MACROH2A2: variants seen among roughly 807,000 people sequenced by gnomAD.
The protein encoded by MACROH2A2 is macroH2A.2 histone, also known as core histone macro-H2A.2.
In MACROH2A2, 6 loss-of-function variants were observed where a neutral mutation model predicts 37.6. The ratio of observed to expected loss-of-function variants is 0.16; its 90% CI spans 0.09 to 0.32. The LOEUF (loss-of-function observed/expected upper bound fraction) is 0.32. Among genes scored for constraint, MACROH2A2 ranks in the 10% least tolerant of loss-of-function variants. The probability of loss-of-function intolerance (pLI) is 1.00; values close to 1 mark genes in which losing one functional copy is unlikely to be tolerated. For missense variants in MACROH2A2, 290 were observed against 485.9 expected (o/e 0.60, Z 3.79); for synonymous variants, 192 against 202.7 (o/e 0.95, Z 0.45).
At chr10:70,088,541 T>C (rs913909278) in intron 2 of MACROH2A2, among the ~76,000 whole-genome samples, 1 of 152,264 alleles carries the variant, frequency 6.6e-6, no homozygotes, top group African/African-American at 2.4e-5. Context: ...AAGGTTTTAA[T>C]AGCATGGGAA....
chr10:70,088,187 C>T (rs1261523365), intron 2 of MACROH2A2, among the ~76,000 whole-genome samples: 1 of 149,560 alleles, frequency 6.7e-6, no homozygotes, highest in Non-Finnish European at 1.5e-5. Context: ...ACACATATGC[C>T]CGCCTGCACA....
intron 2 of MACROH2A2, among the ~76,000 whole-genome samples, chr10:70,081,640 G>C (rs2072177109): frequency 6.6e-6 from 1 of 152,096 alleles, no homozygotes; most frequent in African/African-American, 2.4e-5. Flanking sequence ...GGTGACCTTG[G>C]CAAGGACGGC....
chr10:70,079,706 A>C (rs2072164337), intron 2 of MACROH2A2, among the ~76,000 whole-genome samples: 1 of 151,936 alleles, frequency 6.6e-6, no homozygotes, highest in East Asian at 1.9e-4. Context: ...ATTCCAGGAG[A>C]CCAGTGGAGT....
Position 70,075,597 on chromosome 10 carries a change from T to C in MACROH2A2, c.-59-3T>C, listed in dbSNP as rs1223023554. 9.3e-6 allele frequency: 14 copies of C among 1,505,976 alleles called. No homozygotes were observed. The highest frequency in any genetic ancestry group is 1.3e-5 in the Non-Finnish European group (14 of 1,086,888). 93.3% of individuals were successfully genotyped at this position (1,505,976 alleles called of 1,614,324 possible). ...CCTCAACTCTGTCTTCTTTCCTTTT[T>C]AGCATTGTGTTAGTGCCGGGAGGCC... On this transcript the variant is annotated splice_polypyrimidine_tract_variant and splice_region_variant and intron_variant, in intron 1 of 8. Coordinates refer to ENST00000373255, the MANE Select transcript of MACROH2A2 (RefSeq NM_018649.3). The surrounding 1 kb of genome is among the most constrained non-coding windows in gnomAD (Gnocchi z 5.0).
chr10:70,079,551 T>TCCCGCG (rs1554822084), intron 2 of MACROH2A2, among the ~76,000 whole-genome samples: 2 of 114,094 alleles, frequency 1.8e-5, no homozygotes. Context: ...CGTTGAGGGT[T>TCCCGCG]CGCGCGCGCG....
rs564494641 is a variant in MACROH2A2, at chr10:70,093,861, G to C, written c.588+16G>C. ...GGGACAGAAGGTAACAAAGAGAATTGCCTTGTGCTATATTAAAACACCACT... is the reference window on the plus strand; with the variant it reads ...GGGACAGAAGGTAACAAAGAGAATTCCCTTGTGCTATATTAAAACACCACT... On this transcript the variant is annotated intron_variant, in intron 5 of 8. Coordinates refer to ENST00000373255, the MANE Select transcript of MACROH2A2 (RefSeq NM_018649.3). The C allele has an allele frequency of 8.7e-5, 119 of 1,361,460 alleles. 1 individual carries two copies. In the South Asian group the frequency reaches 1.3e-3, roughly 15 times the overall value. The allele number at this position is 1,361,460 out of a possible 1,614,324, so 84.3% of individuals were successfully genotyped here. A position where few individuals can be genotyped will look rare whatever the true frequency, so the allele number is the denominator to read the frequency against.
intron 2 of MACROH2A2, among the ~76,000 whole-genome samples, chr10:70,081,068 CAAAAAA>C (rs34688764): frequency 4.4e-5 from 2 of 45,828 alleles, no homozygotes; most frequent in East Asian, 7.9e-4. Flanking sequence ...CCCTGTCTCT[CAAAAAA>C]AAAAAAAAAA....
At chr10:70,079,551 T>TCGCGCGCG (rs778240404) in intron 2 of MACROH2A2, among the ~76,000 whole-genome samples, 8 of 114,170 alleles carry the variant, frequency 7.0e-5, no homozygotes, top group African/African-American at 1.7e-4. Context: ...CGTTGAGGGT[T>TCGCGCGCG]CGCGCGCGCG....
chr10:70,082,553 C>A (rs541024160), intron 2 of MACROH2A2, among the ~76,000 whole-genome samples: 2 of 152,246 alleles, frequency 1.3e-5, no homozygotes, highest in East Asian at 1.9e-4. Context: ...GATCAACAGA[C>A]GAATGGATAA....
In MACROH2A2 at chr10:70,111,536, G is replaced by A; in HGVS notation, c.972G>A (p.Gln324=). The change falls in exon 9 of 9, where the codon CAG becomes CAA. Residue 324 remains glutamine (Q), a synonymous_variant. Transcript: ENST00000373255. ...GGCACAGAAACTGCTTTCCCAAACA[G>A]ACTGCGGCCCAGGTGACCCTCAAAG... ...FPSGRNCFPK[Q]TAAQVTLKAI... 1 of 1,613,510 alleles carries A rather than the reference G, an allele frequency of 6.2e-7. No homozygotes were observed. The highest frequency in any genetic ancestry group is 8.5e-7 in the Non-Finnish European group (1 of 1,179,792).
chr10:70,082,005 AT>A (rs2072179919), intron 2 of MACROH2A2, among the ~76,000 whole-genome samples: 1 of 152,206 alleles, frequency 6.6e-6, no homozygotes, highest in Non-Finnish European at 1.5e-5. Flanking sequence ...ATAAAAATGT[AT>A]TTTTAAAAAA....
At chr10:70,079,563 GCGCACACACACACACACACACACACA>G (rs1484834704) in intron 2 of MACROH2A2, among the ~76,000 whole-genome samples, 2 of 63,178 alleles carry the variant, frequency 3.2e-5, no homozygotes, top group Non-Finnish European at 6.9e-5. Context: ...GCGCGCGCGC[GCGCACACACACACACACACACACACA>G]CACACACACA....
chr10:70,082,656 A>G (rs2072186753), intron 2 of MACROH2A2, among the ~76,000 whole-genome samples: 1 of 152,234 alleles, frequency 6.6e-6, no homozygotes, highest in Admixed American at 6.5e-5. Flanking sequence ...ACCTGGATGA[A>G]TCTTGAAAAC....
intron 1 of MACROH2A2, among the ~76,000 whole-genome samples, chr10:70,061,352 T>G (rs990702796): frequency 6.6e-6 from 1 of 152,232 alleles, no homozygotes; most frequent in African/African-American, 2.4e-5. Context: ...CTAACTCAGA[T>G]TCAAAGAAAA....
At chr10:70,054,730 A>G (rs2072003824) in intron 1 of MACROH2A2, among the ~76,000 whole-genome samples, 1 of 152,222 alleles carries the variant, frequency 6.6e-6, no homozygotes, top group South Asian at 2.1e-4. Context: ...CATACTGGTG[A>G]TTTTTAGAAT....
Position 70,100,366 on chromosome 10 carries a change from G to A in MACROH2A2, c.778+69G>A, listed in dbSNP as rs190751469. The A allele has an allele frequency of 1.8e-4, 152 of 833,048 alleles. No individual in the cohort carries two copies. In the African/African-American group the frequency reaches 2.0e-3, roughly 11 times the overall value. 51.6% of individuals were successfully genotyped at this position (833,048 alleles called of 1,614,324 possible). A position where few individuals can be genotyped will look rare whatever the true frequency, so the allele number is the denominator to read the frequency against. ...TCCTCTCTGGAGTCTCCAGCCTCAC[G>A]TGCCTCATGCCTATTCAGCTTATGA... On this transcript the variant is annotated intron_variant, in intron 7 of 8. Coordinates refer to ENST00000373255, the MANE Select transcript of MACROH2A2 (RefSeq NM_018649.3).
At chr10:70,095,985 GAGCTTGATGA>G (rs775770755) in intron 6 of MACROH2A2, among the ~76,000 whole-genome samples, 63 of 152,226 alleles carry the variant, frequency 4.1e-4, no homozygotes, top group South Asian at 3.1e-3. Flanking sequence ...CATTAGCATA[GAGCTTGATGA>G]ATTTTTCTCA....
chr10:70,111,447 C>T (rs2072373902), intron 8 of MACROH2A2, 71 bp from the exon 9 acceptor site: 2 of 1,402,712 alleles, frequency 1.4e-6, no homozygotes, highest in Non-Finnish European at 9.9e-7. Flanking sequence ...CCAGTAAAAA[C>T]AAAGGCACTT....
At chr10:70,054,383 C>T (rs1349038870) in intron 1 of MACROH2A2, among the ~76,000 whole-genome samples, 2 of 152,198 alleles carry the variant, frequency 1.3e-5, no homozygotes, top group Non-Finnish European at 2.9e-5. Context: ...GGTGTCCTTC[C>T]AGCTTCTGTC....
Sources: gnomAD v4.1 joint callset for allele counts (sites outside exome capture counted in the v4.1 genomes callset) on GRCh38, gnomAD v4.1.1 for gene constraint, Gnocchi (gnomAD v3.1) non-coding constraint, MANE v1.5 for transcripts, NCBI Gene and HGNC (gene_info 2026-07-23, HGNC 2026-07-21) for gene names.